Variants in KCNQ5 observed in about 807,000 individuals in gnomAD.
KCNQ5 encodes potassium voltage-gated channel subfamily KQT member 5.
A neutral mutation model predicts 98.2 loss-of-function variants in KCNQ5; 30 were observed. That is an observed-to-expected ratio of 0.31 (90% CI 0.23 to 0.41). The LOEUF (loss-of-function observed/expected upper bound fraction) is 0.41. Among genes scored for constraint, KCNQ5 ranks in the 10% least tolerant of loss-of-function variants. The probability of loss-of-function intolerance (pLI) is 1.00; values close to 1 mark genes in which losing one functional copy is unlikely to be tolerated. For synonymous variants in KCNQ5, 458 were observed against 449.4 expected, an observed-to-expected ratio of 1.02 and a Z score of -0.24; for missense variants, 835 against 1,182.5, an observed-to-expected ratio of 0.71 and a Z score of 4.31.
chr6:73,046,321 C>A lies in KCNQ5; in HGVS notation c.616+4259C>A, dbSNP rs555799964. ...TCACTTATTTTCTGTTAGTCATACA[C>A]TCTTCTGCAACTTATTACTTCTAAG... On this transcript the variant is annotated intron_variant, in intron 3 of 13. Coordinates refer to ENST00000370398, the MANE Select transcript of KCNQ5 (RefSeq NM_019842.4). Among the ~76,000 whole-genome samples, 4 of 152,228 alleles carry A rather than the reference C, an allele frequency of 2.6e-5. No homozygotes were observed. The South Asian group carries it at 8.3e-4, about 32-fold the overall frequency.
chr6:73,117,541 C>T (rs1449399127), intron 7 of KCNQ5, among the ~76,000 whole-genome samples: 2 of 152,202 alleles, frequency 1.3e-5, no homozygotes, highest in Admixed American at 6.5e-5. Flanking sequence ...TTCTTTATAA[C>T]ATTCACAGGC....
intron 2 of KCNQ5, among the ~76,000 whole-genome samples, chr6:73,021,827 A>G (rs1165532001): frequency 6.6e-6 from 1 of 152,196 alleles, no homozygotes; most frequent in Non-Finnish European, 1.5e-5. Context: ...TATAAAGGCA[A>G]CTGTAATTAA....
chr6:73,033,976 T>C (rs530818653), intron 2 of KCNQ5, among the ~76,000 whole-genome samples: 2 of 152,204 alleles, frequency 1.3e-5, no homozygotes, highest in East Asian at 1.9e-4. Flanking sequence ...CTATAAGTTA[T>C]AGTTAGTAAG....
At chr6:73,171,600 G>T (rs1970547) in intron 11 of KCNQ5, among the ~76,000 whole-genome samples, 72,413 of 152,076 alleles carry the variant, frequency 0.48, 21,313 homozygotes, top group African/African-American at 0.82. Flanking sequence ...AAAATTTAGT[G>T]GATCAGTCGC....
chr6:72,844,036 T>C (rs1443803455), intron 1 of KCNQ5, among the ~76,000 whole-genome samples: 1 of 152,080 alleles, frequency 6.6e-6, no homozygotes, highest in Admixed American at 6.5e-5. Context: ...AGGATAGCAT[T>C]AGGAGGAATA....
chr6:73,063,667 T>TGATTGATAGATAGATAGATA (rs1772890917), intron 3 of KCNQ5, among the ~76,000 whole-genome samples: 1 of 64,438 alleles, frequency 1.6e-5, no homozygotes, highest in African/African-American at 4.8e-5. Flanking sequence ...GATAGATAGA[T>TGATTGATAGATAGATAGATA]GATAGATAGA....
At chr6:72,668,353 G>A (rs1026311514) in intron 1 of KCNQ5, among the ~76,000 whole-genome samples, 2 of 152,060 alleles carry the variant, frequency 1.3e-5, no homozygotes, top group South Asian at 2.1e-4. Context: ...ATGAGAAAAC[G>A]GAATTTCTGC....
intron 1 of KCNQ5, among the ~76,000 whole-genome samples, chr6:72,844,724 A>G (rs1290073105): frequency 6.6e-6 from 1 of 152,202 alleles, no homozygotes; most frequent in Non-Finnish European, 1.5e-5. Context: ...ACAAATTGTA[A>G]AGTAATCAGT....
chr6:72,840,044 T>A (rs964251859), intron 1 of KCNQ5, among the ~76,000 whole-genome samples: 2 of 152,204 alleles, frequency 1.3e-5, no homozygotes, highest in African/African-American at 4.8e-5. Context: ...CAATCTACTC[T>A]GTGTTTTTAT....
At chr6:72,812,036 CA>C (rs1775267091) in intron 1 of KCNQ5, among the ~76,000 whole-genome samples, 1 of 152,118 alleles carries the variant, frequency 6.6e-6, no homozygotes, top group Non-Finnish European at 1.5e-5. Context: ...CTGACGTTGC[CA>C]TGGTATTTGT....
intron 1 of KCNQ5, among the ~76,000 whole-genome samples, chr6:72,805,484 T>C (rs1774909132): frequency 6.6e-6 from 1 of 152,076 alleles, no homozygotes; most frequent in Non-Finnish European, 1.5e-5. Context: ...TATATAGATA[T>C]ATGGATTTGT....
intron 1 of KCNQ5, among the ~76,000 whole-genome samples, chr6:72,688,319 G>C (rs1322977619): frequency 2.0e-5 from 3 of 152,146 alleles, no homozygotes; most frequent in African/African-American, 4.8e-5. Flanking sequence ...TTTTAAGAGA[G>C]TTTCTTTCTT....
rs188172733 is a variant in KCNQ5 at position 72,925,505 on chromosome 6, G to A, written c.399-78403G>A. On this transcript the variant is annotated intron_variant, in intron 1 of 13. Coordinates refer to ENST00000370398, the MANE Select transcript of KCNQ5 (RefSeq NM_019842.4). ...TATTTCTTAATTGAGTATCCAGTATGTGCCACTTGCTCTTCTAGACATGTT... is the reference window on the plus strand; with the variant it reads ...TATTTCTTAATTGAGTATCCAGTATATGCCACTTGCTCTTCTAGACATGTT... 4.0e-4 allele frequency among the ~76,000 whole-genome samples: 61 copies of A among 152,308 alleles called. 1 individual carries two copies. Among genetic ancestry groups the A allele is most frequent in the Admixed American group, 1.3e-3 (20 of 15,292 alleles).
chr6:72,719,757 G>C (rs186786000), intron 1 of KCNQ5, among the ~76,000 whole-genome samples: 1 of 152,172 alleles, frequency 6.6e-6, no homozygotes, highest in East Asian at 1.9e-4. Flanking sequence ...TCAGGGATTG[G>C]ACAGTGCAGT....
chr6:73,117,806 A>C (rs1292840401), intron 7 of KCNQ5, among the ~76,000 whole-genome samples: 1 of 152,200 alleles, frequency 6.6e-6, no homozygotes, highest in East Asian at 1.9e-4. Flanking sequence ...TGTTTTCCTT[A>C]ATTATTCTAA....
chr6:73,078,551 C>T (rs1036678644), intron 5 of KCNQ5, among the ~76,000 whole-genome samples: 1 of 152,162 alleles, frequency 6.6e-6, no homozygotes, highest in African/African-American at 2.4e-5. Flanking sequence ...GATGTTAAAA[C>T]CAGTTCAAAG....
At chr6:73,122,210 AG>A (rs1775776602) in intron 8 of KCNQ5, among the ~76,000 whole-genome samples, 1 of 152,212 alleles carries the variant, frequency 6.6e-6, no homozygotes, top group Admixed American at 6.5e-5. Flanking sequence ...GAAGTTTGCT[AG>A]GTAAATGTAA....
chr6:73,025,346 G>C (rs1301759933), intron 2 of KCNQ5, among the ~76,000 whole-genome samples: 3 of 152,212 alleles, frequency 2.0e-5, no homozygotes, highest in Admixed American at 2.0e-4. Flanking sequence ...CTTCAGCCGG[G>C]AGAGGTGGCT....
chr6:72,876,976 A>G (rs887046217), intron 1 of KCNQ5, among the ~76,000 whole-genome samples: 18 of 152,188 alleles, frequency 1.2e-4, no homozygotes, highest in African/African-American at 4.3e-4. Flanking sequence ...GGTGTCAAGT[A>G]GTCTTTTGCA....
Sources: allele counts gnomAD v4.1 joint callset (sites outside exome capture counted in the v4.1 genomes callset), GRCh38; gene constraint gnomAD v4.1.1; transcripts MANE v1.5; gene names NCBI Gene and HGNC (gene_info 2026-07-23, HGNC 2026-07-21).